MEGF9: variants seen among roughly 807,000 people sequenced by gnomAD.
MEGF9 encodes the protein multiple epidermal growth factor-like domains protein 9.
In MEGF9, 6 loss-of-function variants were observed where a neutral mutation model predicts 46.8. That is an observed-to-expected ratio of 0.13 (90% confidence interval 0.07 to 0.25). The LOEUF (loss-of-function observed/expected upper bound fraction) is 0.25, where lower values mean the gene tolerates loss of function less well. MEGF9 is among the 10% of genes least tolerant of loss of function. The pLI is 1.00. For synonymous variants in MEGF9, 302 were observed against 330.7 expected (o/e 0.91, Z 0.94); for missense variants, 683 against 792.4 (o/e 0.86, Z 1.66).
At chr9:120,644,780 A>G (rs997382229) in intron 2 of MEGF9, among the ~76,000 whole-genome samples, 2 of 152,240 alleles carry the variant, frequency 1.3e-5, no homozygotes, top group African/African-American at 4.8e-5. Flanking sequence ...TGGAGTTGAT[A>G]GTGGTAGTAA....
intron 1 of MEGF9, among the ~76,000 whole-genome samples, chr9:120,676,191 G>A (rs533138227): frequency 1.3e-5 from 2 of 152,226 alleles, no homozygotes; most frequent in Admixed American, 6.5e-5. Context: ...AGCACTTTGG[G>A]AGGCCAAGGC....
At chr9:120,628,475 T>G (rs1031247754) in intron 2 of MEGF9, among the ~76,000 whole-genome samples, 1 of 139,414 alleles carries the variant, frequency 7.2e-6, no homozygotes, top group Non-Finnish European at 1.5e-5. Flanking sequence ...GTTGTTTTTT[T>G]TTTTTTTTTT....
intron 4 of MEGF9, among the ~76,000 whole-genome samples, chr9:120,608,961 T>C (rs2043432583): frequency 6.6e-6 from 1 of 152,204 alleles, no homozygotes; most frequent in South Asian, 2.1e-4. Context: ...CCTAGATTAT[T>C]GTAGCTACTT....
chr9:120,683,690 A>C (rs1377114207), intron 1 of MEGF9, among the ~76,000 whole-genome samples: 1 of 152,146 alleles, frequency 6.6e-6, no homozygotes, highest in Non-Finnish European at 1.5e-5. Context: ...GAAAACTGGC[A>C]GTGTGAAGCC....
In MEGF9 at chr9:120,656,541, C is replaced by T. The variant is rs531327687; in HGVS notation, c.803+2833G>A. Among the ~76,000 whole-genome samples the T allele has an allele frequency of 1.5e-3, 154 of 100,610 alleles. 1 individual carries two copies. Among genetic ancestry groups the T allele is most frequent in the African/African-American group, 5.3e-3 (146 of 27,358 alleles). 66.0% of individuals were successfully genotyped at this position (100,610 alleles called of 152,430 possible). On this transcript the variant is annotated intron_variant, in intron 2 of 5. Coordinates refer to ENST00000373930, the MANE Select transcript of MEGF9 (RefSeq NM_001080497.3). ...CAGCCTGAGAGACAGAGCGAGACTC[C>T]GTCTCAAAAAAAAAAAAAAAAAAAA... is the stretch of plus-strand genomic sequence containing the variant.
chr9:120,710,226 C>T (rs574497466), intron 1 of MEGF9, among the ~76,000 whole-genome samples: 9 of 151,692 alleles, frequency 5.9e-5, no homozygotes, highest in African/African-American at 9.7e-5. Context: ...GTCGGGAATC[C>T]GAGACCAGCC....
intron 1 of MEGF9, among the ~76,000 whole-genome samples, chr9:120,663,214 G>A (rs747309166): frequency 6.6e-6 from 1 of 152,176 alleles, no homozygotes; most frequent in Non-Finnish European, 1.5e-5. Flanking sequence ...CAAGTGCCAG[G>A]GAGCATGGGC....
chr9:120,607,690 T>G, intron 5 of MEGF9, 51 bp downstream of exon 5: 13 of 1,583,434 alleles, frequency 8.2e-6, no homozygotes, highest in Non-Finnish European at 1.1e-5. Flanking sequence ...CTTCCATTTT[T>G]CACTGCTAGT....
intron 2 of MEGF9, among the ~76,000 whole-genome samples, chr9:120,637,391 CT>C (rs949927180): frequency 1.3e-5 from 2 of 151,662 alleles, no homozygotes; most frequent in Admixed American, 1.3e-4. Context: ...CAAATTCCCC[CT>C]CTCGAGAAAC....
chr9:120,637,594 C>G (rs979944285), intron 2 of MEGF9, among the ~76,000 whole-genome samples: 9 of 150,670 alleles, frequency 6.0e-5, no homozygotes, highest in Admixed American at 3.3e-4. Context: ...GAGTTCAAGA[C>G]CAGCTTGGCC....
At chr9:120,672,545 C>CA (rs1217658914) in intron 1 of MEGF9, among the ~76,000 whole-genome samples, 19 of 152,122 alleles carry the variant, frequency 1.2e-4, no homozygotes, top group Admixed American at 1.2e-3. Context: ...CACTTGAGCC[C>CA]AGGAGGTCAA....
intron 1 of MEGF9, among the ~76,000 whole-genome samples, chr9:120,671,137 C>G (rs1008413425): frequency 1.3e-5 from 2 of 152,218 alleles, no homozygotes; most frequent in African/African-American, 4.8e-5. Flanking sequence ...CTCTTTGAAA[C>G]TCTTTCTTTG....
intron 2 of MEGF9, among the ~76,000 whole-genome samples, chr9:120,635,549 G>A (rs907790155): frequency 2.7e-5 from 4 of 149,628 alleles, no homozygotes; most frequent in Non-Finnish European, 4.4e-5. Context: ...AGGTAATTTC[G>A]AATGACCTAT....
intron 2 of MEGF9, among the ~76,000 whole-genome samples, chr9:120,657,769 C>T (rs2043684088): frequency 6.6e-6 from 1 of 152,150 alleles, no homozygotes; most frequent in Non-Finnish European, 1.5e-5. Flanking sequence ...ATAGAATCTA[C>T]ATGCTACGGT....
In MEGF9 at chr9:120,714,464, T is replaced by A; in HGVS notation, c.-106A>T. 1 of 1,003,932 alleles carries A rather than the reference T, an allele frequency of 1.0e-6. No individual in the cohort carries two copies. Among genetic ancestry groups the A allele is most frequent in the East Asian group, 3.7e-5 (1 of 27,208 alleles). 62.2% of individuals were successfully genotyped at this position (1,003,932 alleles called of 1,614,324 possible). On this transcript the variant is annotated 5_prime_UTR_variant, in exon 1 of 6. Transcript: ENST00000373930. The stretch of plus-strand genomic sequence containing the variant: ...CGCCACCGGGCGCACCATCGCCACC[T>A]CCCTCTGACAGGCGGCCGGCCCCGC...
At chr9:120,650,630 A>G (rs2043645514) in intron 2 of MEGF9, among the ~76,000 whole-genome samples, 1 of 152,250 alleles carries the variant, frequency 6.6e-6, no homozygotes, top group South Asian at 2.1e-4. Flanking sequence ...TAGGGAAATG[A>G]ATTTTTTAAA....
intron 1 of MEGF9, among the ~76,000 whole-genome samples, chr9:120,713,505 T>C (rs1381490044): frequency 6.6e-6 from 1 of 152,148 alleles, no homozygotes; most frequent in Non-Finnish European, 1.5e-5. Context: ...AAAGCCCTGT[T>C]GGGAAGAAGA....
chr9:120,685,180 G>A (rs1013046656), intron 1 of MEGF9, among the ~76,000 whole-genome samples: 14 of 152,332 alleles, frequency 9.2e-5, no homozygotes, highest in Non-Finnish European at 1.8e-4. Flanking sequence ...TCAAGATGTT[G>A]AAGATTTTGT....
intron 2 of MEGF9, among the ~76,000 whole-genome samples, chr9:120,630,220 C>A (rs1002611474): frequency 6.6e-6 from 1 of 152,206 alleles, no homozygotes; most frequent in Non-Finnish European, 1.5e-5. Flanking sequence ...CACTATTCTA[C>A]TTTCTACTTC....
Sources: gnomAD v4.1 joint callset for allele counts (sites outside exome capture counted in the v4.1 genomes callset) on GRCh38, gnomAD v4.1.1 for gene constraint, MANE v1.5 for transcripts, NCBI Gene and HGNC (gene_info 2026-07-23, HGNC 2026-07-21) for gene names.